Variants in CNTN4 observed in about 807,000 individuals in gnomAD.
CNTN4 encodes the protein contactin-4.
CNTN4 carries 77 observed loss-of-function variants against 122.5 expected under a neutral mutation model. The ratio of observed to expected loss-of-function variants is 0.63; its 90% CI spans 0.52 to 0.76. CNTN4 has a LOEUF of 0.76. Ranked by LOEUF, CNTN4 falls within the 30% of genes least tolerant of loss-of-function variation. The pLI, the probability that CNTN4 is intolerant of heterozygous loss-of-function variation, is 0.00. For missense variants in CNTN4, 1,256 were observed against 1,259.1 expected (o/e 1.00, Z 0.04); for synonymous variants, 512 against 447.0 (o/e 1.15, Z -1.83).
intron 14 of CNTN4, chr3:3,008,977 A>G (rs1390265446): frequency 1.0e-6 from 1 of 985,370 alleles, no homozygotes; most frequent in East Asian, 1.1e-4. Flanking sequence ...AAACTTCGTC[A>G]TTACAGAATC....
chr3:2,351,302 AT>A (rs2150443595), intron 3 of CNTN4, among the ~76,000 whole-genome samples: 1 of 152,344 alleles, frequency 6.6e-6, no homozygotes, highest in East Asian at 1.9e-4. Flanking sequence ...ATCTCATTTT[AT>A]AGTGCAGGAA....
chr3:2,963,595 C>T (rs1321509859), intron 13 of CNTN4, among the ~76,000 whole-genome samples: 2 of 152,068 alleles, frequency 1.3e-5, no homozygotes, highest in Non-Finnish European at 1.5e-5. Context: ...TACTTATCAT[C>T]GATTAGATCT....
chr3:2,313,212 C>G (rs549792012), intron 2 of CNTN4, among the ~76,000 whole-genome samples: 3 of 151,942 alleles, frequency 2.0e-5, no homozygotes, highest in Admixed American at 6.6e-5. Context: ...CGTACATAAA[C>G]TGTTTAAACG....
At chr3:2,727,865 C>T (rs2088348832) in intron 4 of CNTN4, among the ~76,000 whole-genome samples, 1 of 152,112 alleles carries the variant, frequency 6.6e-6, no homozygotes, top group African/African-American at 2.4e-5. Flanking sequence ...TTAAAATGCT[C>T]ATTTGAGGGG....
intron 3 of CNTN4, among the ~76,000 whole-genome samples, chr3:2,458,145 C>T (rs1037280148): frequency 1.3e-5 from 2 of 152,140 alleles, no homozygotes; most frequent in African/African-American, 4.8e-5. Flanking sequence ...ATTGCACACT[C>T]TCCTGCTCAG....
chr3:2,842,915 G>C (rs189106929), intron 7 of CNTN4, among the ~76,000 whole-genome samples: 1 of 151,494 alleles, frequency 6.6e-6, no homozygotes, highest in Admixed American at 6.6e-5. Context: ...TAAAGTATAA[G>C]TGTCCTCAGG....
At chr3:2,685,377 C>T (rs181870113) in intron 4 of CNTN4, among the ~76,000 whole-genome samples, 7 of 152,222 alleles carry the variant, frequency 4.6e-5, no homozygotes, top group Admixed American at 1.3e-4. Flanking sequence ...CAAGAATACA[C>T]GTAAATCCCC....
chr3:2,708,772 C>G (rs1032646477), intron 4 of CNTN4, among the ~76,000 whole-genome samples: 1 of 149,874 alleles, frequency 6.7e-6, no homozygotes, highest in Non-Finnish European at 1.5e-5. Flanking sequence ...CACACACTGC[C>G]CAGAAGAAAA....
At chr3:3,042,697 A>C (rs888088143) in intron 21 of CNTN4, 2 of 587,448 alleles carry the variant, frequency 3.4e-6, no homozygotes, top group Non-Finnish European at 6.0e-6. Flanking sequence ...TGATATGCCC[A>C]GGATCACTTT....
chr3:2,468,555 C>T (rs921391183), intron 3 of CNTN4, among the ~76,000 whole-genome samples: 3 of 152,124 alleles, frequency 2.0e-5, no homozygotes, highest in Non-Finnish European at 4.4e-5. Flanking sequence ...AAGACTACAT[C>T]AGTCAGAATG....
At chr3:2,963,755 C>T (rs1221130761) in intron 13 of CNTN4, among the ~76,000 whole-genome samples, 4 of 152,194 alleles carry the variant, frequency 2.6e-5, no homozygotes, top group African/African-American at 7.2e-5. Context: ...TAACTTATCA[C>T]ATTCATATTT....
At chr3:2,910,285 T>TA (rs934667015) in intron 12 of CNTN4, among the ~76,000 whole-genome samples, 1 of 152,224 alleles carries the variant, frequency 6.6e-6, no homozygotes, top group Non-Finnish European at 1.5e-5. Flanking sequence ...GAGTTTAAAA[T>TA]ATTACTCTAG....
chr3:2,831,904 G>A (rs941685895), intron 7 of CNTN4, among the ~76,000 whole-genome samples: 4 of 152,154 alleles, frequency 2.6e-5, no homozygotes, highest in Non-Finnish European at 5.9e-5. Flanking sequence ...ATCATTTCAC[G>A]CAAACCAGAG....
At chr3:2,578,817 G>A (rs936836636) in intron 4 of CNTN4, among the ~76,000 whole-genome samples, 1 of 152,064 alleles carries the variant, frequency 6.6e-6, no homozygotes, top group Non-Finnish European at 1.5e-5. Context: ...GTGGTAGAAA[G>A]ACTTAGTCAA....
chr3:2,298,268 TA>T (rs1371604425), intron 2 of CNTN4, among the ~76,000 whole-genome samples: 4 of 152,230 alleles, frequency 2.6e-5, no homozygotes, highest in Non-Finnish European at 4.4e-5. Context: ...TCAGTCGAAT[TA>T]AAATCTAGCC....
At chr3:2,200,735 A>G (rs1022883205) in intron 2 of CNTN4, among the ~76,000 whole-genome samples, 1 of 152,192 alleles carries the variant, frequency 6.6e-6, no homozygotes, top group Non-Finnish European at 1.5e-5. Flanking sequence ...GTTGGGGTAA[A>G]GATAATTCAT....
At chr3:2,206,416 C>G (rs1414839645) in intron 2 of CNTN4, among the ~76,000 whole-genome samples, 1 of 151,868 alleles carries the variant, frequency 6.6e-6, no homozygotes, top group Non-Finnish European at 1.5e-5. Flanking sequence ...ATTATAAAAC[C>G]TAAAATCAAT....
At chr3:2,416,177 T>G (rs2047404676) in intron 3 of CNTN4, among the ~76,000 whole-genome samples, 1 of 152,132 alleles carries the variant, frequency 6.6e-6, no homozygotes, top group South Asian at 2.1e-4. Context: ...TAAAATAAGT[T>G]ATAAGCTTAT....
chr3:2,513,512 G>T (rs967129339), intron 3 of CNTN4, among the ~76,000 whole-genome samples: 2 of 151,526 alleles, frequency 1.3e-5, no homozygotes, highest in Non-Finnish European at 2.9e-5. Flanking sequence ...TTTTTTCAGG[G>T]TCCCGAACCC....
Sources: gnomAD v4.1 joint callset for allele counts (sites outside exome capture counted in the v4.1 genomes callset) on GRCh38, gnomAD v4.1.1 for gene constraint, MANE v1.5 for transcripts, NCBI Gene and HGNC (gene_info 2026-07-23, HGNC 2026-07-21) for gene names.